Variants in CIAO3 observed in about 807,000 individuals in gnomAD.
The protein encoded by CIAO3 is LET1 like/JFP15.
A neutral mutation model predicts 51.5 loss-of-function variants in CIAO3; 45 were observed. The observed-to-expected ratio is 0.87, with a 90% CI of 0.69 to 1.12. The LOEUF is 1.12. CIAO3 is among the 50% of genes most tolerant of loss of function. CIAO3 has a pLI of 0.00. For synonymous variants in CIAO3, 314 were observed against 269.3 expected (o/e 1.17, Z -1.63); for missense variants, 668 against 632.5 (o/e 1.06, Z -0.60).
rs895812020 is a variant in CIAO3, at chr16:737,988, C to T, written c.163-659G>A. 1.4e-5 allele frequency: 16 copies of T among 1,154,280 alleles called. No homozygotes were observed. Among genetic ancestry groups the T allele is most frequent in the Middle Eastern group, 4.0e-4 (1 of 2,512 alleles). 71.5% of individuals were successfully genotyped at this position (1,154,280 alleles called of 1,614,324 possible). ...AGGGGTGCTGCAGTGGCCCGGAATA[C>T]AGCCAGAGGAGTAAGGCGACTGGGT... On this transcript the variant is annotated intron_variant, in intron 2 of 10. Transcript: ENST00000251588. This position sits in a 1 kb window ranked among gnomAD's most constrained non-coding sequence, Gnocchi z 5.3.
chr16:740,572 T>G, intron 1 of CIAO3: 3 of 378,620 alleles, frequency 7.9e-6, no homozygotes, highest in Non-Finnish European at 9.7e-6. Flanking sequence ...GGGGTCGGGT[T>G]AGGGTTAGGG....
At position 737,092 on chromosome 16, in the gene CIAO3, C is replaced by T. The variant is rs891557816; in HGVS notation, c.306+94G>A. The T allele has an allele frequency of 1.9e-5, 29 of 1,543,152 alleles. No homozygotes were observed. The highest frequency in any genetic ancestry group is 6.8e-5 in the Admixed American group (4 of 58,932). ...CAGGCGCCACCCGCACGACGGACGT[C>T]GGCACCACACGAGCTGCCCTTGGCA... On this transcript the variant is annotated intron_variant, in intron 3 of 10. Transcript: ENST00000251588. This position sits in a 1 kb window ranked among gnomAD's most constrained non-coding sequence, Gnocchi z 5.3.
intron 5 of CIAO3, 50 bp from the exon 6 acceptor site, chr16:734,397 C>T (rs755126857): frequency 9.6e-6 from 13 of 1,357,180 alleles, no homozygotes; most frequent in Middle Eastern, 2.1e-4. Flanking sequence ...CGGCGGCCCC[C>T]GCACCCACAG....
At position 737,629 on chromosome 16, in the gene CIAO3, T is replaced by C. The variant is rs959888409; in HGVS notation, c.163-300A>G. On this transcript the variant is annotated intron_variant, in intron 2 of 10. Coordinates refer to ENST00000251588, the MANE Select transcript of CIAO3 (RefSeq NM_022493.3). The surrounding 1 kb of genome is among the most constrained non-coding windows in gnomAD (Gnocchi z 5.3). Reference sequence around the variant, plus strand: ...GCCACCCCACTCACCCATGGGGCCCTGGACGGGGTGCTGGCCCCGGTGCAC... The same window carrying C: ...GCCACCCCACTCACCCATGGGGCCCCGGACGGGGTGCTGGCCCCGGTGCAC... 4.4e-6 allele frequency: 6 copies of C among 1,371,334 alleles called. No homozygotes were observed. Among genetic ancestry groups the C allele is most frequent in the East Asian group, 4.0e-5 (1 of 24,726 alleles). 84.9% of individuals were successfully genotyped at this position (1,371,334 alleles called of 1,614,324 possible). A position where few individuals can be genotyped will look rare whatever the true frequency, so the allele number is the denominator to read the frequency against.
intron 6 of CIAO3, 132 bp downstream of exon 6, chr16:734,097 G>GGTCC (rs2041313169): frequency 2.5e-6 from 2 of 792,328 alleles, no homozygotes; most frequent in Non-Finnish European, 4.3e-6. Context: ...AGGGAACAAG[G>GGTCC]GTGGAGGTGT....
At chr16:731,895 G>C in intron 8 of CIAO3, 193 bp from the exon 9 acceptor site, 1 of 725,062 alleles carries the variant, frequency 1.4e-6, no homozygotes, top group African/African-American at 1.8e-5. Context: ...TTGAGACGGA[G>C]TCTTGCTCTG....
rs2151603510 is a variant in CIAO3 at position 737,204 on chromosome 16, C to G, written c.288G>C (p.Lys96Asn). The G allele has an allele frequency of 1.2e-6, 2 of 1,613,786 alleles. No homozygotes were observed. Among genetic ancestry groups the G allele is most frequent in the Non-Finnish European group, 1.7e-6 (2 of 1,180,014 alleles). ...ITQQSHEELK[K>N]VLDANKMAAP... is the part of the protein sequence containing the mutation. ...TGCTTACCTTGTTAGCATCTAGAAC[C>G]TTCTTCAGCTCCTCGTGGCTCTGCT... The change falls in exon 3 of 11, where the codon AAG (lysine) becomes AAC (asparagine). Residue 96 changes from lysine (K) to asparagine (N), a missense_variant. Physicochemically the swap from Lys to Asn is moderately conservative, Grantham distance 94. Transcript: ENST00000251588. The surrounding 1 kb of genome is among the most constrained non-coding windows in gnomAD (Gnocchi z 5.3).
chr16:732,437 T>C (rs2041293566), intron 7 of CIAO3, 64 bp from the exon 8 acceptor site: 1 of 1,574,918 alleles, frequency 6.3e-7, no homozygotes, highest in Non-Finnish European at 8.7e-7. Context: ...TCAGAGAACA[T>C]CCAAGCCACC....
At chr16:736,155 G>T (rs1187117498) in intron 4 of CIAO3, 111 bp downstream of exon 4, 3 of 1,382,510 alleles carry the variant, frequency 2.2e-6, no homozygotes, top group South Asian at 2.6e-5. Flanking sequence ...CTGTAGCGCT[G>T]AAGTTCAGGG....
chr16:736,463 CCGCA>C (rs2041339398), intron 3 of CIAO3, 65 bp from the exon 4 acceptor site: 1 of 1,598,986 alleles, frequency 6.3e-7, no homozygotes, highest in Non-Finnish European at 8.5e-7. Context: ...GTGGCCAGAG[CCGCA>C]CGGTGAGATG....
intron 1 of CIAO3, 72 bp downstream of exon 1, chr16:740,848 C>T: frequency 7.1e-7 from 1 of 1,400,788 alleles, no homozygotes; most frequent in Non-Finnish European, 9.7e-7. Flanking sequence ...GGAAGTGGGG[C>T]GCAGAGCAAT....
At position 730,954 on chromosome 16, in the gene CIAO3, G is replaced by C; in HGVS notation, c.1081C>G (p.Leu361Val). ...EVTLEKEGQVLLHFAMAYGFR... is the reference protein window; with the variant it reads ...EVTLEKEGQVVLHFAMAYGFR... The stretch of plus-strand genomic sequence containing the variant: ...CCGTACGCCATTGCGAAGTGCAGCA[G>C]CACCTGGCCCTCCTTCTCCAGTGTC... Residue 361 changes from leucine to valine, a missense_variant, in exon 10 of 11, where the codon CTG becomes GTG. Physicochemically the swap from Leu to Val is conservative, Grantham distance 32 (BLOSUM62 1). Transcript: ENST00000251588. 6.2e-7 allele frequency: 1 copy of C among 1,613,006 alleles called. No individual in the cohort carries two copies. The highest frequency in any genetic ancestry group is 2.2e-5 in the East Asian group (1 of 44,886).
At position 734,357 on chromosome 16, in the gene CIAO3, C is replaced by T; in HGVS notation, c.575-10G>A. 2 of 1,600,198 alleles carry T rather than the reference C, an allele frequency of 1.2e-6. No individual in the cohort carries two copies. The highest frequency in any genetic ancestry group is 1.7e-6 in the Non-Finnish European group (2 of 1,173,388). Reference sequence around the variant, plus strand: ...GCATAGCAGATCCAGCCTGAGGTGACAGGGGGCACACGGGGCTGGCGGGGG... The same window carrying T: ...GCATAGCAGATCCAGCCTGAGGTGATAGGGGGCACACGGGGCTGGCGGGGG... On this transcript the variant is annotated splice_polypyrimidine_tract_variant and intron_variant, in intron 5 of 10. Transcript: ENST00000251588.
rs922116642 is a variant in CIAO3 at position 740,207 on chromosome 16, C to T, written c.67-469G>A. ...CCAGAAAGCCGCCTCCCAGCTCATC[C>T]CTGCCGGAAGCGCTCCCAGCAGCCC... On this transcript the variant is annotated intron_variant, in intron 1 of 10. Transcript: ENST00000251588. The T allele has an allele frequency of 8.6e-6, 8 of 933,662 alleles. No homozygotes were observed. The South Asian group carries it at 1.1e-4, about 13-fold the overall frequency. 57.8% of individuals were successfully genotyped at this position (933,662 alleles called of 1,614,324 possible).
At position 730,866 on chromosome 16, in the gene CIAO3, A is replaced by G; in HGVS notation, c.1169T>C (p.Val390Ala). Residue 390 changes from valine to alanine, a missense_variant, in exon 10 of 11, where the codon GTG (valine) becomes GCG (alanine). Coordinates refer to ENST00000251588, the MANE Select transcript of CIAO3 (RefSeq NM_022493.3). ...ACCTGAGGGGCAGGCCATGACCTCC[A>G]CGTAGTGGTAGGGGCAGCGCCCTCG... ...LKRGRCPYHY[V>A]EVMACPSGCL... 1 of 1,612,852 alleles carries G rather than the reference A, an allele frequency of 6.2e-7. No individual in the cohort carries two copies. Among genetic ancestry groups the G allele is most frequent in the Non-Finnish European group, 8.5e-7 (1 of 1,179,984 alleles).
intron 4 of CIAO3, 70 bp from the exon 5 acceptor site, chr16:734,941 GACC>G (rs2041323443): frequency 4.8e-6 from 7 of 1,466,376 alleles, no homozygotes; most frequent in Non-Finnish European, 6.3e-6. Flanking sequence ...CCGGCGTGTG[GACC>G]ACCATGGTGC....
At chr16:732,468 C>T (rs2041293990) in intron 7 of CIAO3, 95 bp from the exon 8 acceptor site, 3 of 1,448,300 alleles carry the variant, frequency 2.1e-6, no homozygotes, top group South Asian at 1.1e-5. Flanking sequence ...GCAGTCTGCA[C>T]TTTGGCCCCA....
chr16:739,020 G>A (rs2041366204), intron 2 of CIAO3, among the ~76,000 whole-genome samples: 1 of 150,024 alleles, frequency 6.7e-6, no homozygotes, highest in African/African-American at 2.4e-5. Context: ...GGTCTGGGCT[G>A]GGCGCGGTGG....
intron 2 of CIAO3, chr16:738,084 T>C (rs911589843): frequency 7.5e-5 from 78 of 1,037,358 alleles, no homozygotes; most frequent in Admixed American, 2.0e-4. Flanking sequence ...GAGCTCGCCT[T>C]GTATTCCTAC....
Sources: gnomAD v4.1 joint callset for allele counts (sites outside exome capture counted in the v4.1 genomes callset) on GRCh38, gnomAD v4.1.1 for gene constraint, Gnocchi (gnomAD v3.1) non-coding constraint, MANE v1.5 for transcripts, NCBI Gene and HGNC (gene_info 2026-07-23, HGNC 2026-07-21) for gene names.